Variants in IL17RD observed in about 807,000 individuals in gnomAD.
IL17RD encodes the protein interleukin 17 receptor D.
In IL17RD, 52 loss-of-function variants were observed where a neutral mutation model predicts 80.5. The ratio of observed to expected loss-of-function variants is 0.65; its 90% CI spans 0.52 to 0.81. IL17RD has a LOEUF of 0.81. Ranked by LOEUF, IL17RD falls within the 40% of genes least tolerant of loss-of-function variation. IL17RD has a pLI of 0.00. For missense variants in IL17RD, 1,024 were observed against 955.1 expected (o/e 1.07, Z -0.95); for synonymous variants, 416 against 391.8 (o/e 1.06, Z -0.73).
rs1484642136 is a variant in IL17RD at position 57,098,131 on chromosome 3, G to A, written c.1572C>T (p.His524=). 5.0e-6 allele frequency: 8 copies of A among 1,613,852 alleles called. No homozygotes were observed. In the South Asian group the frequency reaches 8.8e-5, roughly 18 times the overall value. ...AGTTCCTTCTGCTGCCCTGTCGCGT[G>A]TGCTGCCCCGGCTCCTGGAGGCCGT... The part of the protein sequence containing the change: ...RDHGLQEPGQ[H]TRQGSRRNYF... The change falls in exon 12 of 13, where the codon CAC becomes CAT. Residue 524 remains histidine (H), a synonymous_variant. Coordinates refer to ENST00000296318, the MANE Select transcript of IL17RD (RefSeq NM_017563.5).
intron 2 of IL17RD, among the ~76,000 whole-genome samples, chr3:57,116,282 C>CTTTT: frequency 9.8e-6 from 1 of 102,556 alleles, no homozygotes; most frequent in Non-Finnish European, 2.1e-5. Context: ...TTTTTCTTTT[C>CTTTT]TTTTTTTTTT....
chr3:57,116,464 T>C (rs1707219289), intron 2 of IL17RD, among the ~76,000 whole-genome samples: 2 of 141,286 alleles, frequency 1.4e-5, no homozygotes, highest in East Asian at 4.0e-4. Context: ...TTGTATTTTT[T>C]AGTAGAGACG....
intron 1 of IL17RD, chr3:57,150,223 A>C (rs530106546): frequency 2.0e-4 from 31 of 152,372 alleles, no homozygotes; most frequent in African/African-American, 7.0e-4. Context: ...AGGTTTGGGA[A>C]TCTTTGGGGT....
chr3:57,126,485 C>T (rs1336278520), intron 1 of IL17RD, among the ~76,000 whole-genome samples: 4 of 152,174 alleles, frequency 2.6e-5, no homozygotes, highest in African/African-American at 9.7e-5. Flanking sequence ...AAGCAAAGGC[C>T]TGGATACAGA....
rs2060341526 is a variant in IL17RD, at chr3:57,165,352, G to A, written c.-66C>T. On this transcript the variant is annotated 5_prime_UTR_variant, in exon 1 of 13. Coordinates refer to ENST00000296318, the MANE Select transcript of IL17RD (RefSeq NM_017563.5). ...GCCGCCCGCCGCTGGCCAGCCCCGA[G>A]TGGGCGGTGGCCGCGGCGGCCGCGG... is the stretch of plus-strand genomic sequence containing the variant. 2 of 1,206,098 alleles carry A rather than the reference G, an allele frequency of 1.7e-6. No homozygotes were observed. Among genetic ancestry groups the A allele is most frequent in the Non-Finnish European group, 2.1e-6 (2 of 967,542 alleles). 74.7% of individuals were successfully genotyped at this position (1,206,098 alleles called of 1,614,324 possible). A position where few individuals can be genotyped will look rare whatever the true frequency, so the allele number is the denominator to read the frequency against.
chr3:57,096,678 G>A (rs1706681975), intron 12 of IL17RD, among the ~76,000 whole-genome samples, 173 bp from the exon 13 acceptor site: 1 of 152,166 alleles, frequency 6.6e-6, no homozygotes, highest in Non-Finnish European at 1.5e-5. Flanking sequence ...ACAGGTTCTA[G>A]TTCCCTTAGT....
At position 57,127,335 on chromosome 3, in the gene IL17RD, TAA is replaced by T. The variant is rs375102936; in HGVS notation, c.127-7024_127-7023del. On this transcript the variant is annotated intron_variant, in intron 1 of 12. Transcript: ENST00000296318. ...ATATAAAAATATATATAAATATATA[TAA>T]AAATATATATAAATATATATAAATA... 1.4e-4 allele frequency among the ~76,000 whole-genome samples: 13 copies of T among 90,184 alleles called. No homozygotes were observed. In the East Asian group the frequency reaches 1.6e-3, roughly 11 times the overall value. The allele number at this position is 90,184 out of a possible 152,430, so 59.2% of individuals were successfully genotyped here. A position where few individuals can be genotyped will look rare whatever the true frequency, so the allele number is the denominator to read the frequency against.
In IL17RD at chr3:57,105,943, C is replaced by A. The variant is rs752263276; in HGVS notation, c.661G>T (p.Ala221Ser). 2 of 1,613,800 alleles carry A rather than the reference C, an allele frequency of 1.2e-6. No homozygotes were observed. Among genetic ancestry groups the A allele is most frequent in the Admixed American group, 3.3e-5 (2 of 60,004 alleles). Residue 221 changes from alanine (A) to serine (S), a missense_variant, in exon 7 of 13, where the codon GCA becomes TCA. Physicochemically the swap from Ala to Ser is moderately conservative, Grantham distance 99. Coordinates refer to ENST00000296318, the MANE Select transcript of IL17RD (RefSeq NM_017563.5). ...AAACGGAAGCCGAAGTTGTGCGGTG[C>A]ATGGTCGAAGGACACCTGCATGTCC... ...GSDMQVSFDH[A>S]PHNFGFRFFY...
In IL17RD at chr3:57,142,415, T is replaced by G. The variant is rs1054317330; in HGVS notation, c.127-22102A>C. Reference sequence around the variant, plus strand: ...GTAGGAGAGACATTTTATTAAAAATTGAAACACTTATTGGTTTTTCTTGGC... The same window carrying G: ...GTAGGAGAGACATTTTATTAAAAATGGAAACACTTATTGGTTTTTCTTGGC... On this transcript the variant is annotated intron_variant, in intron 1 of 12. Coordinates refer to ENST00000296318, the MANE Select transcript of IL17RD (RefSeq NM_017563.5). The G allele has an allele frequency of 1.2e-5, 9 of 757,188 alleles. No individual in the cohort carries two copies. The African/African-American group carries it at 1.4e-4, about 12-fold the overall frequency. 46.9% of individuals were successfully genotyped at this position (757,188 alleles called of 1,614,324 possible). A position where few individuals can be genotyped will look rare whatever the true frequency, so the allele number is the denominator to read the frequency against.
intron 1 of IL17RD, chr3:57,164,831 A>C: frequency 2.1e-6 from 2 of 968,394 alleles, no homozygotes; most frequent in Non-Finnish European, 2.6e-6. Context: ...GGGACGAAGG[A>C]GGTCCCGGGC....
intron 1 of IL17RD, among the ~76,000 whole-genome samples, chr3:57,151,289 T>G (rs189182330): frequency 6.6e-6 from 1 of 152,274 alleles, no homozygotes; most frequent in East Asian, 1.9e-4. Flanking sequence ...CTTTAGGGAT[T>G]TGAAGTGTTG....
At chr3:57,104,264 G>A in intron 8 of IL17RD, 78 bp downstream of exon 8, 1 of 949,622 alleles carries the variant, frequency 1.1e-6, no homozygotes, top group Non-Finnish European at 1.7e-6. Context: ...TGAAATTTTA[G>A]TGTTGTAAAC....
intron 5 of IL17RD, 54 bp from the exon 6 acceptor site, chr3:57,106,208 C>G: frequency 7.6e-7 from 1 of 1,311,078 alleles, no homozygotes; most frequent in Non-Finnish European, 1.1e-6. Flanking sequence ...TAGACATTTT[C>G]CTCTCCCAAC....
At position 57,163,142 on chromosome 3, in the gene IL17RD, G is replaced by A. The variant is rs138230886; in HGVS notation, c.126+2019C>T. 1.1e-4 allele frequency among the ~76,000 whole-genome samples: 16 copies of A among 152,300 alleles called. No individual in the cohort carries two copies. The South Asian group carries it at 3.3e-3, about 32-fold the overall frequency. ...TGAAATCCACCAAGCAGCAAATCCA[G>A]GAGACAAGGAACCATGTATCAGCCT... On this transcript the variant is annotated intron_variant, in intron 1 of 12. Coordinates refer to ENST00000296318, the MANE Select transcript of IL17RD (RefSeq NM_017563.5).
rs1239695513 is a variant in IL17RD at position 57,120,324 on chromosome 3, A to C, written c.127-11T>G. 1 of 1,610,700 alleles carries C rather than the reference A, an allele frequency of 6.2e-7. No individual in the cohort carries two copies. The highest frequency in any genetic ancestry group is 8.5e-7 in the Non-Finnish European group (1 of 1,177,118). On this transcript the variant is annotated splice_polypyrimidine_tract_variant and intron_variant, in intron 1 of 12. Coordinates refer to ENST00000296318, the MANE Select transcript of IL17RD (RefSeq NM_017563.5). ...GGCTGGCCCCACTCCCTGTGGGAAA[A>C]CAAGAGAACATGATGCAGAGTGAAG...
intron 10 of IL17RD, among the ~76,000 whole-genome samples, chr3:57,102,071 G>T (rs1168073327): frequency 6.6e-6 from 1 of 152,162 alleles, no homozygotes; most frequent in African/African-American, 2.4e-5. Flanking sequence ...GACCAGCCTA[G>T]GCAACATAGT....
intron 1 of IL17RD, chr3:57,134,592 A>G: frequency 8.6e-7 from 1 of 1,163,306 alleles, no homozygotes; most frequent in Admixed American, 1.7e-5. Flanking sequence ...GGCCCACAAG[A>G]AGCTGCAGGC....
chr3:57,119,650 CCA>C (rs1707291404), intron 2 of IL17RD, among the ~76,000 whole-genome samples: 1 of 151,892 alleles, frequency 6.6e-6, no homozygotes, highest in South Asian at 2.1e-4. Context: ...CATCTGGAAC[CCA>C]GTTTCACACA....
At chr3:57,133,611 T>C (rs1327939258) in intron 1 of IL17RD, among the ~76,000 whole-genome samples, 1 of 152,200 alleles carries the variant, frequency 6.6e-6, no homozygotes, top group African/African-American at 2.4e-5. Flanking sequence ...TTTTGATAAA[T>C]GTCTTTTTTG....
Sources: gnomAD v4.1 joint callset for allele counts (sites outside exome capture counted in the v4.1 genomes callset) on GRCh38, gnomAD v4.1.1 for gene constraint, MANE v1.5 for transcripts, NCBI Gene and HGNC (gene_info 2026-07-23, HGNC 2026-07-21) for gene names.